MRPL36: variants seen among roughly 807,000 people sequenced by gnomAD.
MRPL36 encodes large ribosomal subunit protein bL36m.
MRPL36 carries 1 observed loss-of-function variant against 2.8 expected under a neutral mutation model. That is an observed-to-expected ratio of 0.36 (90% CI 0.13 to 1.69). The LOEUF (loss-of-function observed/expected upper bound fraction) is 1.69. Ranked by LOEUF, MRPL36 falls within the 40% of genes most tolerant of loss-of-function variation. The probability of loss-of-function intolerance (pLI) is 0.35; values close to 1 mark genes in which losing one functional copy is unlikely to be tolerated. For missense variants in MRPL36, 148 were observed against 132.7 expected (o/e 1.12, Z -0.57); for synonymous variants, 68 against 54.8 (o/e 1.24, Z -1.06).
In MRPL36 at chr5:1,799,033, G is replaced by A. The variant is rs575827454; in HGVS notation, c.-12-86C>T. On this transcript the variant is annotated intron_variant, in intron 1 of 1. Coordinates refer to ENST00000505059, the MANE Select transcript of MRPL36 (RefSeq NM_032479.4). Reference sequence around the variant, plus strand: ...GCTTCCTTTTCTCTGTTTCACTGAGGCTTGGGAAGGCAGGGACCTCGGGGA... The same window carrying A: ...GCTTCCTTTTCTCTGTTTCACTGAGACTTGGGAAGGCAGGGACCTCGGGGA... 1.6e-4 allele frequency: 186 copies of A among 1,141,160 alleles called. No individual in the cohort carries two copies. The African/African-American group carries it at 2.7e-3, about 17-fold the overall frequency. The allele number at this position is 1,141,160 out of a possible 1,614,324, so 70.7% of individuals were successfully genotyped here. A position where few individuals can be genotyped will look rare whatever the true frequency, so the allele number is the denominator to read the frequency against.
At chr5:1,801,384 G>C, upstream of MRPL36, 1 of 1,601,852 alleles carries the variant, frequency 6.2e-7, no homozygotes, top group African/African-American at 1.3e-5. Context: ...CGCTAAGCGG[G>C]ACGTTGCGCC....
At chr5:1,800,534 C>T (rs905388835), upstream of MRPL36, among the ~76,000 whole-genome samples, 1 of 152,034 alleles carries the variant, frequency 6.6e-6, no homozygotes, top group African/African-American at 2.4e-5. Context: ...ACAAATCTGC[C>T]TCTGACCACC....
upstream of MRPL36, among the ~76,000 whole-genome samples, chr5:1,800,886 C>T (rs375266127): frequency 5.3e-5 from 8 of 152,332 alleles, no homozygotes; most frequent in East Asian, 1.5e-3. Flanking sequence ...TTGCCTTGAA[C>T]GAGGAGAATG....
Position 1,798,427 on chromosome 5 carries a change from G to T in MRPL36, c.*197C>A. 1.8e-6 allele frequency: 1 copy of T among 549,126 alleles called. No individual in the cohort carries two copies. The highest frequency in any genetic ancestry group is 2.6e-5 in the South Asian group (1 of 38,120). 34.0% of individuals were successfully genotyped at this position (549,126 alleles called of 1,614,324 possible). A position where few individuals can be genotyped will look rare whatever the true frequency, so the allele number is the denominator to read the frequency against. ...TTAATAGGAAAATGTTTTTTAGTTG[G>T]AACGTTTTGGAAATAAGATAACGCA... On this transcript the variant is annotated 3_prime_UTR_variant, in exon 2 of 2. Coordinates refer to ENST00000505059, the MANE Select transcript of MRPL36 (RefSeq NM_032479.4).
chr5:1,801,317 C>G (rs1290882113), upstream of MRPL36: 31 of 1,496,184 alleles, frequency 2.1e-5, no homozygotes, highest in Non-Finnish European at 6.2e-6. Flanking sequence ...TCCCCGCCCC[C>G]AGGGCGAAAT....
At chr5:1,801,299 A>C, upstream of MRPL36, 3 of 1,383,292 alleles carry the variant, frequency 2.2e-6, no homozygotes, top group East Asian at 2.5e-5. Flanking sequence ...CTCTGCCCCG[A>C]CCCGCGCTCC....
In MRPL36 at chr5:1,798,390, G is replaced by C. The variant is rs537521954; in HGVS notation, c.*234C>G. 2 of 441,406 alleles carry C rather than the reference G, an allele frequency of 4.5e-6. No homozygotes were observed. The highest frequency in any genetic ancestry group is 8.2e-6 in the Non-Finnish European group (2 of 243,028). 27.3% of individuals were successfully genotyped at this position (441,406 alleles called of 1,614,324 possible). A position where few individuals can be genotyped will look rare whatever the true frequency, so the allele number is the denominator to read the frequency against. On this transcript the variant is annotated 3_prime_UTR_variant, in exon 2 of 2. Transcript: ENST00000505059. ...AGAGAATGAATGAACTAAGCTATTCGGAAGGTCTATTTTAATAGGAAAATG... is the reference window on the plus strand; with the variant it reads ...AGAGAATGAATGAACTAAGCTATTCCGAAGGTCTATTTTAATAGGAAAATG...
At chr5:1,800,429 G>C (rs1180734208), upstream of MRPL36, among the ~76,000 whole-genome samples, 1 of 152,094 alleles carries the variant, frequency 6.6e-6, no homozygotes, top group Non-Finnish European at 1.5e-5. Flanking sequence ...TCCACTCCGC[G>C]CTCCCTGCAG....
In MRPL36 at chr5:1,798,599, G is replaced by A. The variant is rs1733917436; in HGVS notation, c.*25C>T. Reference sequence around the variant, plus strand: ...TCCCAAGTGATGCGATGACGAGTATGTGCGTGACTCTGGAGGGAAAGGGTC... The same window carrying A: ...TCCCAAGTGATGCGATGACGAGTATATGCGTGACTCTGGAGGGAAAGGGTC... On this transcript the variant is annotated 3_prime_UTR_variant, in exon 2 of 2. Transcript: ENST00000505059. The A allele has an allele frequency of 3.2e-6, 5 of 1,583,628 alleles. No homozygotes were observed. The Middle Eastern group carries it at 5.0e-4, about 160-fold the overall frequency.
At chr5:1,801,385 A>G (rs757672883), upstream of MRPL36, 2 of 1,601,836 alleles carry the variant, frequency 1.2e-6, no homozygotes, top group Non-Finnish European at 1.7e-6. Flanking sequence ...GCTAAGCGGG[A>G]CGTTGCGCCG....
At position 1,798,924 on chromosome 5, in the gene MRPL36, A is replaced by C. The variant is rs764671482; in HGVS notation, c.12T>G (p.Leu4=). MAN[L]FIRKMVNPLL... is the part of the protein sequence containing the mutation. ...GAGGGTTCACCATTTTCCTTATAAA[A>C]AGATTTGCCATGTTGTGGTGAATCT... Residue 4 remains leucine (L), a synonymous_variant, in exon 2 of 2, where the codon CTT becomes CTG. Coordinates refer to ENST00000505059, the MANE Select transcript of MRPL36 (RefSeq NM_032479.4). 4 of 1,590,362 alleles carry C rather than the reference A, an allele frequency of 2.5e-6. No individual in the cohort carries two copies. Among genetic ancestry groups the C allele is most frequent in the Non-Finnish European group, 3.4e-6 (4 of 1,163,126 alleles).
chr5:1,800,182 C>T (rs181175226), upstream of MRPL36, among the ~76,000 whole-genome samples: 2 of 152,290 alleles, frequency 1.3e-5, no homozygotes, highest in Admixed American at 6.5e-5. Context: ...TGTAAACAGG[C>T]TCCGGGAAAC....
At chr5:1,800,857 T>G (rs1001074191), upstream of MRPL36, among the ~76,000 whole-genome samples, 4 of 152,186 alleles carry the variant, frequency 2.6e-5, no homozygotes, top group African/African-American at 9.7e-5. Flanking sequence ...CGGCTCCCCG[T>G]AACCACACAC....
chr5:1,801,387 G>C (rs2111343832), upstream of MRPL36: 1 of 1,601,962 alleles, frequency 6.2e-7, no homozygotes, highest in Non-Finnish European at 8.5e-7. Context: ...TAAGCGGGAC[G>C]TTGCGCCGGG....
intron 1 of MRPL36, chr5:1,799,188 A>T: frequency 2.2e-6 from 1 of 446,946 alleles, no homozygotes. Context: ...CTGCAAGTGT[A>T]GGTGAGTGTG....
chr5:1,798,780 G>C lies in MRPL36; in HGVS notation c.156C>G (p.Leu52=), dbSNP rs1269218996. Residue 52 remains leucine, a synonymous_variant, in exon 2 of 2, where the codon CTC becomes CTG. Coordinates refer to ENST00000505059, the MANE Select transcript of MRPL36 (RefSeq NM_032479.4). The stretch of plus-strand genomic sequence containing the variant: ...GCAGATGGGGCAGGAGGCCGGGTGA[G>C]AGAAGTGAGCGCACTGCTGCCCCGG... ...VEPGAAVRSL[L]SPGLLPHLLP... 2 of 1,614,100 alleles carry C rather than the reference G, an allele frequency of 1.2e-6. No homozygotes were observed. Among genetic ancestry groups the C allele is most frequent in the Non-Finnish European group, 1.7e-6 (2 of 1,180,000 alleles).
chr5:1,800,442 C>T (rs1487795732), upstream of MRPL36, among the ~76,000 whole-genome samples: 2 of 152,130 alleles, frequency 1.3e-5, no homozygotes, highest in Non-Finnish European at 2.9e-5. Flanking sequence ...CCCTGCAGGC[C>T]CCAACGCTTC....
rs1427666529 is a variant in MRPL36, at chr5:1,799,836, C to G, written c.-57G>C. On this transcript the variant is annotated 5_prime_UTR_variant, in exon 1 of 2. Coordinates refer to ENST00000505059, the MANE Select transcript of MRPL36 (RefSeq NM_032479.4). ...CGGCGCCGACCCCTGCGTCTGCGCACTGGCACGCGGACGCTGCTGCCAGGA... is the reference window on the plus strand; with the variant it reads ...CGGCGCCGACCCCTGCGTCTGCGCAGTGGCACGCGGACGCTGCTGCCAGGA... 1.5e-5 allele frequency: 2 copies of G among 133,248 alleles called. No homozygotes were observed. Among genetic ancestry groups the G allele is most frequent in the African/African-American group, 2.7e-5 (1 of 36,444 alleles). The allele number at this position is 133,248 out of a possible 1,614,324, so 8.3% of individuals were successfully genotyped here.
At chr5:1,799,675 A>C (rs1326209144) in intron 1 of MRPL36, 117 bp downstream of exon 1, 2 of 151,852 alleles carry the variant, frequency 1.3e-5, no homozygotes, top group African/African-American at 4.8e-5. Context: ...CGCTCCTCTG[A>C]CCGCAGCCCA....
Sources: gnomAD v4.1 joint callset for allele counts (sites outside exome capture counted in the v4.1 genomes callset) on GRCh38, gnomAD v4.1.1 for gene constraint, MANE v1.5 for transcripts, NCBI Gene and HGNC (gene_info 2026-07-23, HGNC 2026-07-21) for gene names.